TAFA1: variants seen among roughly 807,000 people sequenced by gnomAD.
The protein encoded by TAFA1 is chemokine-like protein TAFA-1.
In TAFA1, 4 loss-of-function variants were observed where a neutral mutation model predicts 18.5. That is an observed-to-expected ratio of 0.22 (90% CI 0.11 to 0.49). The LOEUF is 0.49. Ranked by LOEUF, TAFA1 falls within the 20% of genes least tolerant of loss-of-function variation. The pLI, the probability that TAFA1 is intolerant of heterozygous loss-of-function variation, is 0.98. For synonymous variants in TAFA1, 56 were observed against 55.2 expected (o/e 1.01, Z -0.06); for missense variants, 147 against 169.0 (o/e 0.87, Z 0.72).
chr3:68,156,466 A>C (rs2065867912), intron 2 of TAFA1, among the ~76,000 whole-genome samples: 1 of 152,144 alleles, frequency 6.6e-6, no homozygotes, highest in South Asian at 2.1e-4. Flanking sequence ...GATTTTAGGC[A>C]AACTACATGA....
At chr3:68,144,279 T>C (rs192653761) in intron 2 of TAFA1, among the ~76,000 whole-genome samples, 147 of 152,336 alleles carry the variant, frequency 9.6e-4, no homozygotes, top group Non-Finnish European at 1.5e-3. Context: ...GCTGGCCAAC[T>C]GAGGTATGCA....
chr3:68,464,675 T>G (rs2106931664), intron 3 of TAFA1, among the ~76,000 whole-genome samples: 1 of 152,142 alleles, frequency 6.6e-6, no homozygotes, highest in Admixed American at 6.5e-5. Flanking sequence ...TTTTGGTGGG[T>G]TTTAAGCAAT....
rs1030279227 is a variant in TAFA1 at position 68,315,800 on chromosome 3, T to A, written c.119-101480T>A. Among the ~76,000 whole-genome samples, 5 of 152,322 alleles carry A rather than the reference T, an allele frequency of 3.3e-5. No homozygotes were observed. In the East Asian group the frequency reaches 7.7e-4, roughly 24 times the overall value. On this transcript the variant is annotated intron_variant, in intron 2 of 4. Coordinates refer to ENST00000478136, the MANE Select transcript of TAFA1 (RefSeq NM_213609.4). ...CAACATTGACAGATGCCTTCCATGTTAATACTTGGGCTGCTATATATGGAA... is the reference window on the plus strand; with the variant it reads ...CAACATTGACAGATGCCTTCCATGTAAATACTTGGGCTGCTATATATGGAA...
chr3:68,224,399 A>C (rs1364341267), intron 2 of TAFA1, among the ~76,000 whole-genome samples: 1 of 152,114 alleles, frequency 6.6e-6, no homozygotes, highest in Non-Finnish European at 1.5e-5. Flanking sequence ...AAACATAGTC[A>C]ATTAATAAAT....
intron 2 of TAFA1, among the ~76,000 whole-genome samples, chr3:68,072,722 A>T (rs2064772514): frequency 6.6e-6 from 1 of 152,128 alleles, no homozygotes; most frequent in South Asian, 2.1e-4. Flanking sequence ...AGATTTAGTG[A>T]GTTCAGTTTT....
At chr3:68,073,342 C>T (rs893361784) in intron 2 of TAFA1, among the ~76,000 whole-genome samples, 3 of 152,244 alleles carry the variant, frequency 2.0e-5, no homozygotes, top group African/African-American at 7.2e-5. Flanking sequence ...ATCTTCAACA[C>T]ATGGCAGAGC....
chr3:68,236,257 C>T (rs2066926128), intron 2 of TAFA1, among the ~76,000 whole-genome samples: 1 of 152,164 alleles, frequency 6.6e-6, no homozygotes, highest in Non-Finnish European at 1.5e-5. Context: ...TTTCCCAAGG[C>T]ATGCTAGGTA....
intron 2 of TAFA1, among the ~76,000 whole-genome samples, chr3:68,203,284 T>C (rs557644280): frequency 2.8e-4 from 43 of 151,838 alleles, no homozygotes; most frequent in African/African-American, 1.0e-3. Flanking sequence ...TTTTTTTCTT[T>C]TCTTTTTAAT....
At chr3:68,011,666 T>C (rs1043657962) in intron 2 of TAFA1, among the ~76,000 whole-genome samples, 2 of 152,204 alleles carry the variant, frequency 1.3e-5, no homozygotes, top group Non-Finnish European at 2.9e-5. Context: ...TATGGTCGCA[T>C]ATTGGCTCTT....
chr3:68,278,829 C>T (rs945676325), intron 2 of TAFA1, among the ~76,000 whole-genome samples: 21 of 152,120 alleles, frequency 1.4e-4, no homozygotes, highest in Non-Finnish European at 1.5e-4. Flanking sequence ...AGATTCCATT[C>T]TACATTTCTA....
chr3:68,105,612 T>A (rs745416172), intron 2 of TAFA1, among the ~76,000 whole-genome samples: 3 of 152,154 alleles, frequency 2.0e-5, no homozygotes, highest in Non-Finnish European at 4.4e-5. Context: ...TTGTTTAATC[T>A]AAAGCAGAAT....
the TAFA1 span, among the ~76,000 whole-genome samples, chr3:67,997,889 A>G: frequency 6.6e-6 from 1 of 152,140 alleles, no homozygotes; most frequent in Admixed American, 6.5e-5. Flanking sequence ...TGGAAGTTGA[A>G]TATTTCAAGA....
intron 3 of TAFA1, among the ~76,000 whole-genome samples, chr3:68,494,481 T>C (rs971675016): frequency 2.0e-5 from 3 of 152,168 alleles, no homozygotes; most frequent in Non-Finnish European, 2.9e-5. Flanking sequence ...GAAAAATATA[T>C]ATCCCAATCT....
At chr3:68,261,761 T>A (rs1357709303) in intron 2 of TAFA1, among the ~76,000 whole-genome samples, 1 of 151,938 alleles carries the variant, frequency 6.6e-6, no homozygotes, top group African/African-American at 2.4e-5. Flanking sequence ...CACCGGGAAC[T>A]GTTGTGGGGT....
chr3:68,347,938 G>A (rs748225606), intron 2 of TAFA1, among the ~76,000 whole-genome samples: 1 of 152,132 alleles, frequency 6.6e-6, no homozygotes, highest in Non-Finnish European at 1.5e-5. Flanking sequence ...GGCTGCAAGG[G>A]TTTCAGGTGG....
intron 2 of TAFA1, among the ~76,000 whole-genome samples, chr3:68,020,929 T>C (rs886141579): frequency 3.9e-5 from 6 of 152,038 alleles, no homozygotes; most frequent in Non-Finnish European, 7.4e-5. Flanking sequence ...CTCACACCTG[T>C]AATCCCAGCA....
At chr3:68,301,310 A>G (rs2068299735) in intron 2 of TAFA1, among the ~76,000 whole-genome samples, 1 of 152,092 alleles carries the variant, frequency 6.6e-6, no homozygotes, top group Non-Finnish European at 1.5e-5. Context: ...TTCTGCACCT[A>G]TCTTCATTTA....
chr3:68,419,274 G>A (rs893554440), intron 3 of TAFA1, among the ~76,000 whole-genome samples: 1 of 152,178 alleles, frequency 6.6e-6, no homozygotes, highest in East Asian at 1.9e-4. Flanking sequence ...CCAGCAGTCA[G>A]GGATCATTGT....
At chr3:68,092,338 C>G (rs2065039050) in intron 2 of TAFA1, among the ~76,000 whole-genome samples, 1 of 151,938 alleles carries the variant, frequency 6.6e-6, no homozygotes, top group Non-Finnish European at 1.5e-5. Flanking sequence ...GAAAATAGCT[C>G]AGTCAACAGT....
Sources: gnomAD v4.1 joint callset for allele counts (sites outside exome capture counted in the v4.1 genomes callset) on GRCh38, gnomAD v4.1.1 for gene constraint, MANE v1.5 for transcripts, NCBI Gene and HGNC (gene_info 2026-07-23, HGNC 2026-07-21) for gene names.